The following VMP1 variants were observed in gnomAD, a reference collection of about 807,000 sequenced individuals.
The protein encoded by VMP1 is ectopic P-granules autophagy protein 3 homolog.
Under a neutral mutation model 56.0 loss-of-function variants are expected in VMP1, and 11 were observed. That is an observed-to-expected ratio of 0.20 (90% CI 0.12 to 0.32). The LOEUF (loss-of-function observed/expected upper bound fraction) is 0.32, where lower values mean the gene tolerates loss of function less well. Among genes scored for constraint, VMP1 ranks in the 10% least tolerant of loss-of-function variants. The probability of loss-of-function intolerance (pLI) is 1.00; values close to 1 mark genes in which losing one functional copy is unlikely to be tolerated. For missense variants in VMP1, 296 were observed against 490.3 expected (o/e 0.60, Z 3.74); for synonymous variants, 149 against 165.0 (o/e 0.90, Z 0.74).
chr17:59,811,777 G>A lies in VMP1; in HGVS notation c.903G>A (p.Met301Ile). 1 of 1,606,718 alleles carries A rather than the reference G, an allele frequency of 6.2e-7. No homozygotes were observed. The highest frequency in any genetic ancestry group is 8.5e-7 in the Non-Finnish European group (1 of 1,173,526). The change falls in exon 9 of 12, where the codon ATG (methionine) becomes ATA (isoleucine). Residue 301 changes from methionine to isoleucine, a missense_variant. By Grantham distance (10) the Met-to-Ile change is conservative. Around this residue, in one of 4 missense-constraint regions of VMP1, gnomAD observed 95 missense variants for 137.6 expected, o/e 0.69. Coordinates refer to ENST00000262291, the MANE Select transcript of VMP1 (RefSeq NM_030938.5). ...ATLIGKAIIK[M>I]HIQKIFVIIT... ...TAATTGGAAAAGCAATAATAAAAAT[G>A]CATATCCAGGTAATTATACCCCCTG...
At chr17:59,826,371 T>A (rs2038645972) in intron 10 of VMP1, among the ~76,000 whole-genome samples, 1 of 152,210 alleles carries the variant, frequency 6.6e-6, no homozygotes, top group Non-Finnish European at 1.5e-5. Flanking sequence ...TGATGAAAAT[T>A]AAAACCCAAA....
intron 4 of VMP1, 36 bp from the exon 5 acceptor site, chr17:59,738,801 A>C: frequency 7.1e-7 from 1 of 1,415,310 alleles, no homozygotes; most frequent in Non-Finnish European, 1.0e-6. Context: ...TTCTGTATAG[A>C]GAATTCACGG....
chr17:59,807,860 G>A (rs866932991), intron 7 of VMP1, among the ~76,000 whole-genome samples: 10 of 150,020 alleles, frequency 6.7e-5, no homozygotes, highest in Non-Finnish European at 1.5e-4. Context: ...AAGAAAGTTG[G>A]ACTAAAGAGA....
intron 7 of VMP1, among the ~76,000 whole-genome samples, chr17:59,800,950 C>T (rs997324364): frequency 1.3e-5 from 2 of 151,556 alleles, no homozygotes; most frequent in Non-Finnish European, 2.9e-5. Flanking sequence ...CCTGGTAGCG[C>T]GTGCCTGTAA....
chr17:59,821,769 T>C (rs1267363250), intron 10 of VMP1, among the ~76,000 whole-genome samples: 1 of 151,870 alleles, frequency 6.6e-6, no homozygotes, highest in African/African-American at 2.4e-5. Flanking sequence ...TCAGGTCACC[T>C]GAACTCCTGA....
intron 1 of VMP1, among the ~76,000 whole-genome samples, chr17:59,726,291 G>GTTTTTTTTT (rs541555827): frequency 6.9e-6 from 1 of 145,058 alleles, no homozygotes; most frequent in Non-Finnish European, 1.5e-5. Context: ...AGTTTTTTTT[G>GTTTTTTTTT]TTTTTTTTTT....
intron 5 of VMP1, among the ~76,000 whole-genome samples, chr17:59,751,482 C>T (rs1323303999): frequency 1.3e-5 from 2 of 151,926 alleles, no homozygotes; most frequent in Non-Finnish European, 1.5e-5. Context: ...TGGCTCATGC[C>T]TGTGATCCCA....
chr17:59,792,291 T>C (rs780670550), intron 7 of VMP1, among the ~76,000 whole-genome samples: 3 of 151,988 alleles, frequency 2.0e-5, no homozygotes, highest in Admixed American at 6.6e-5. Context: ...CAAAAAAAGA[T>C]TGGTTCTACC....
chr17:59,713,431 C>A (rs903276743), intron 1 of VMP1, among the ~76,000 whole-genome samples: 1 of 151,962 alleles, frequency 6.6e-6, no homozygotes, highest in Non-Finnish European at 1.5e-5. Context: ...ATCCAAGTCA[C>A]GCACTTACAT....
At chr17:59,731,328 A>T in intron 1 of VMP1, 93 bp from the exon 2 acceptor site, 1 of 700,764 alleles carries the variant, frequency 1.4e-6, no homozygotes, top group Non-Finnish European at 2.3e-6. Context: ...GTGGCTTATT[A>T]CTGTGATGTT....
At chr17:59,799,513 AATTT>A (rs1255967034) in intron 7 of VMP1, among the ~76,000 whole-genome samples, 19 of 152,260 alleles carry the variant, frequency 1.2e-4, no homozygotes, top group South Asian at 1.0e-3. Context: ...AGTAATTTAA[AATTT>A]ATTAACTATT....
At position 59,793,227 on chromosome 17, in the gene VMP1, A is replaced by G. The variant is rs2037305727; in HGVS notation, c.715-15569A>G. Among the ~76,000 whole-genome samples the G allele has an allele frequency of 1.8e-5, 2 of 112,272 alleles. 1 individual carries two copies. The highest frequency in any genetic ancestry group is 4.4e-5 in the Non-Finnish European group (2 of 45,314). 73.7% of individuals were successfully genotyped at this position (112,272 alleles called of 152,430 possible). A position where few individuals can be genotyped will look rare whatever the true frequency, so the allele number is the denominator to read the frequency against. ...GAGATGGGGTTTCTCCATGTTGGCCAGGCTGGTCTTGAACTCCCGACCTCA... is the reference window on the plus strand; with the variant it reads ...GAGATGGGGTTTCTCCATGTTGGCCGGGCTGGTCTTGAACTCCCGACCTCA... On this transcript the variant is annotated intron_variant, in intron 7 of 11. Coordinates refer to ENST00000262291, the MANE Select transcript of VMP1 (RefSeq NM_030938.5).
chr17:59,812,418 G>A (rs974433041), intron 9 of VMP1, among the ~76,000 whole-genome samples: 1 of 152,072 alleles, frequency 6.6e-6, no homozygotes, highest in Non-Finnish European at 1.5e-5. Flanking sequence ...TAGGATGGAG[G>A]GTGTGTGCAT....
At chr17:59,770,908 G>T (rs2036400235) in intron 6 of VMP1, among the ~76,000 whole-genome samples, 1 of 151,382 alleles carries the variant, frequency 6.6e-6, no homozygotes, top group Non-Finnish European at 1.5e-5. Context: ...CCCATGGTCT[G>T]AATTTTACTG....
chr17:59,753,302 A>G (rs1011396058), intron 5 of VMP1, among the ~76,000 whole-genome samples: 1 of 152,150 alleles, frequency 6.6e-6, no homozygotes, highest in Non-Finnish European at 1.5e-5. Context: ...GATGTTGTAC[A>G]CAATTAGGAG....
chr17:59,737,657 A>AT, intron 4 of VMP1, 114 bp downstream of exon 4: 1 of 778,814 alleles, frequency 1.3e-6, no homozygotes, highest in Non-Finnish European at 2.0e-6. Flanking sequence ...ACATTATCTC[A>AT]TAACTAGTAT....
intron 10 of VMP1, among the ~76,000 whole-genome samples, chr17:59,820,620 CTTATAG>C (rs2038407391): frequency 6.6e-6 from 1 of 152,200 alleles, no homozygotes; most frequent in East Asian, 1.9e-4. Flanking sequence ...ACTACATGCA[CTTATAG>C]TTATATTGTT....
At chr17:59,724,229 AAG>A (rs1374221806) in intron 1 of VMP1, among the ~76,000 whole-genome samples, 9 of 151,694 alleles carry the variant, frequency 5.9e-5, no homozygotes, top group African/African-American at 9.7e-5. Flanking sequence ...AAAAAAAAGA[AAG>A]AAAAGAAAAA....
chr17:59,818,499 G>A (rs559933007), intron 10 of VMP1, among the ~76,000 whole-genome samples: 4 of 152,280 alleles, frequency 2.6e-5, no homozygotes, highest in East Asian at 1.9e-4. Context: ...GGCCAGGCAC[G>A]GTGGCTGATG....
Sources: gnomAD v4.1 joint callset for allele counts (sites outside exome capture counted in the v4.1 genomes callset) on GRCh38, gnomAD v4.1.1 for gene constraint, gnomAD v4.1.1 regional missense constraint, MANE v1.5 for transcripts, NCBI Gene and HGNC (gene_info 2026-07-23, HGNC 2026-07-21) for gene names.